Variants in NGEF observed in about 807,000 individuals in gnomAD.
NGEF encodes the protein ephexin-1.
In NGEF, 31 loss-of-function variants were observed where a neutral mutation model predicts 80.9. The ratio of observed to expected loss-of-function variants is 0.38; its 90% CI spans 0.29 to 0.52. NGEF has a LOEUF of 0.52. Ranked by LOEUF, NGEF falls within the 20% of genes least tolerant of loss-of-function variation. NGEF has a pLI of 0.84. For synonymous variants in NGEF, 371 were observed against 370.2 expected (o/e 1.00, Z -0.03); for missense variants, 709 against 926.2 (o/e 0.77, Z 3.04).
At chr2:232,981,365 C>A (rs1190049613) in intron 1 of NGEF, among the ~76,000 whole-genome samples, 1 of 151,868 alleles carries the variant, frequency 6.6e-6, no homozygotes, top group Non-Finnish European at 1.5e-5. Context: ...GCCTGGGGAC[C>A]AGTCTGCCTT....
At chr2:233,009,741 T>C (rs2106348715) in intron 1 of NGEF, among the ~76,000 whole-genome samples, 1 of 152,254 alleles carries the variant, frequency 6.6e-6, no homozygotes, top group Middle Eastern at 3.4e-3. Context: ...TGAAGGCAAC[T>C]GAGGCACAGC....
At chr2:232,987,484 C>T (rs13031269) in intron 1 of NGEF, among the ~76,000 whole-genome samples, 2 of 152,106 alleles carry the variant, frequency 1.3e-5, no homozygotes, top group African/African-American at 2.4e-5. Flanking sequence ...GAGCTTGGCC[C>T]TCTGGGGGTG....
At chr2:232,906,870 C>CGG (rs1452957038) in intron 5 of NGEF, among the ~76,000 whole-genome samples, 8 of 151,718 alleles carry the variant, frequency 5.3e-5, no homozygotes, top group Non-Finnish European at 1.0e-4. Context: ...TCCTGTTGAT[C>CGG]TATGACCTTA....
intron 1 of NGEF, 26 bp downstream of exon 1, chr2:233,013,042 A>T (rs867541211): frequency 1.5e-5 from 7 of 457,076 alleles, no homozygotes; most frequent in African/African-American, 8.2e-5. Flanking sequence ...TTATTTTTTT[A>T]AAAAATACCA....
At chr2:232,967,734 T>TGTGTGA (rs1464492917) in intron 3 of NGEF, among the ~76,000 whole-genome samples, 3 of 149,360 alleles carry the variant, frequency 2.0e-5, no homozygotes, top group African/African-American at 4.9e-5. Context: ...TGTGTGTGTG[T>TGTGTGA]GATCAAGGAT....
chr2:232,978,924 C>T (rs1244878722), intron 1 of NGEF, among the ~76,000 whole-genome samples: 1 of 152,162 alleles, frequency 6.6e-6, no homozygotes. Context: ...TGCCATGCTG[C>T]CCAGGCTGGG....
chr2:232,891,557 A>G lies in NGEF; in HGVS notation c.1143-70T>C, dbSNP rs189279026. Reference sequence around the variant, plus strand: ...CATGAACTGGAGACTCCTCCTCCCCATCCACAGCCTCCCAGGATCCAGACG... The same window carrying G: ...CATGAACTGGAGACTCCTCCTCCCCGTCCACAGCCTCCCAGGATCCAGACG... On this transcript the variant is annotated intron_variant, in intron 7 of 14. Transcript: ENST00000264051. The G allele has an allele frequency of 7.8e-4, 1,184 of 1,510,184 alleles. 10 individuals are homozygous for G. The African/African-American group carries it at 0.015, about 19-fold the overall frequency. The allele number at this position is 1,510,184 out of a possible 1,614,324, so 93.5% of individuals were successfully genotyped here. A position where few individuals can be genotyped will look rare whatever the true frequency, so the allele number is the denominator to read the frequency against.
At chr2:232,891,998 G>A (rs1482012158) in intron 7 of NGEF, among the ~76,000 whole-genome samples, 3 of 152,072 alleles carry the variant, frequency 2.0e-5, no homozygotes, top group Non-Finnish European at 4.4e-5. Context: ...AGCAGGGACA[G>A]CAGGGACGGC....
intron 5 of NGEF, among the ~76,000 whole-genome samples, chr2:232,907,159 T>TAAA (rs1181408500): frequency 7.7e-5 from 2 of 25,838 alleles, no homozygotes; most frequent in Admixed American, 4.5e-4. Context: ...AATGATCAAT[T>TAAA]AAAAAAAAAA....
At chr2:233,002,545 T>C (rs1176796194) in intron 1 of NGEF, among the ~76,000 whole-genome samples, 1 of 152,026 alleles carries the variant, frequency 6.6e-6, no homozygotes, top group African/African-American at 2.4e-5. Context: ...GGGGTGGTGG[T>C]GCACGCTTGT....
intron 3 of NGEF, among the ~76,000 whole-genome samples, chr2:232,928,333 C>T (rs1398472691): frequency 6.6e-6 from 1 of 150,508 alleles, no homozygotes; most frequent in Non-Finnish European, 1.5e-5. Flanking sequence ...CTCGCGCCTT[C>T]CTCCCCCGCG....
chr2:232,993,006 C>T lies in NGEF; in HGVS notation c.-74-18042G>A, dbSNP rs145494929. Among the ~76,000 whole-genome samples the T allele has an allele frequency of 7.3e-3, 776 of 106,410 alleles. 6 individuals are homozygous for T. The highest frequency in any genetic ancestry group is 0.023 in the African/African-American group (699 of 30,810). The allele number at this position is 106,410 out of a possible 152,430, so 69.8% of individuals were successfully genotyped here. ...TGCCTGAAGTATATATATATATATA[C>T]ACACACACACACACGCACATAAATA... On this transcript the variant is annotated intron_variant, in intron 1 of 14. Coordinates refer to ENST00000264051, the MANE Select transcript of NGEF (RefSeq NM_019850.3).
At chr2:232,902,119 C>A (rs1343746386) in intron 5 of NGEF, among the ~76,000 whole-genome samples, 1 of 152,248 alleles carries the variant, frequency 6.6e-6, no homozygotes, top group Admixed American at 6.5e-5. Flanking sequence ...CCTCTTGCTG[C>A]AGCCGCCCTG....
chr2:232,891,312 AAAGCCTGGG>A, intron 8 of NGEF, 37 bp downstream of exon 8: 1 of 1,609,098 alleles, frequency 6.2e-7, no homozygotes, highest in Non-Finnish European at 8.5e-7. Flanking sequence ...TGACCACAGC[AAAGCCTGGG>A]AAGCCCCGTC....
At chr2:232,952,316 G>A (rs1017124888) in intron 3 of NGEF, among the ~76,000 whole-genome samples, 7 of 152,234 alleles carry the variant, frequency 4.6e-5, no homozygotes, top group Admixed American at 2.6e-4. Flanking sequence ...GAGCACCTAC[G>A]TGGCAAGAAC....
rs556987225 is a variant in NGEF, at chr2:232,886,274, G to A, written c.1348-905C>T. ...GTGTATTGTGTGATATGTAGGGGCC[G>A]TGTATGTGTGTGTGCGTGCTGTGTG... On this transcript the variant is annotated intron_variant, in intron 9 of 14. Coordinates refer to ENST00000264051, the MANE Select transcript of NGEF (RefSeq NM_019850.3). 3.3e-5 allele frequency among the ~76,000 whole-genome samples: 5 copies of A among 151,396 alleles called. No homozygotes were observed. The East Asian group carries it at 5.8e-4, about 18-fold the overall frequency.
intron 1 of NGEF, among the ~76,000 whole-genome samples, chr2:233,000,724 C>G (rs765398339): frequency 2.7e-5 from 4 of 150,306 alleles, no homozygotes; most frequent in Non-Finnish European, 5.9e-5. Context: ...CGCGCCACTG[C>G]ACTCCAGCTC....
chr2:232,970,794 G>GA (rs113392752), intron 2 of NGEF, among the ~76,000 whole-genome samples: 85,333 of 144,654 alleles, frequency 0.59, 25,586 homozygotes, highest in African/African-American at 0.72. Flanking sequence ...CAGCCTGGGT[G>GA]AAAAAAAAAA....
rs544686970 is a variant in NGEF, at chr2:233,010,801, G to A, written c.-75+2267C>T. Among the ~76,000 whole-genome samples the A allele has an allele frequency of 2.2e-4, 33 of 152,286 alleles. No individual in the cohort carries two copies. In the South Asian group the frequency reaches 6.6e-3, roughly 31 times the overall value. The stretch of plus-strand genomic sequence containing the variant: ...GCCAAACAAAGGGAGGAGGAGTAAG[G>A]CTGAAGTCCTCAGCCTTCTGGGGTG... On this transcript the variant is annotated intron_variant, in intron 1 of 14. Transcript: ENST00000264051.
Sources: allele counts gnomAD v4.1 joint callset (sites outside exome capture counted in the v4.1 genomes callset), GRCh38; gene constraint gnomAD v4.1.1; transcripts MANE v1.5; gene names NCBI Gene and HGNC (gene_info 2026-07-23, HGNC 2026-07-21).